Variants in LTBP1 observed in about 807,000 individuals in gnomAD.
LTBP1 encodes latent transforming growth factor beta binding protein 1.
Under a neutral mutation model 207.6 loss-of-function variants are expected in LTBP1, and 129 were observed. The ratio of observed to expected loss-of-function variants is 0.62; its 90% CI spans 0.54 to 0.72. LTBP1 has a LOEUF of 0.72. LTBP1 is among the 30% of genes least tolerant of loss of function. The pLI, the probability that LTBP1 is intolerant of heterozygous loss-of-function variation, is 0.00. For synonymous variants in LTBP1, 963 were observed against 833.7 expected (o/e 1.16, Z -2.67); for missense variants, 2,281 against 2,217.2 (o/e 1.03, Z -0.58).
At chr2:33,014,644 A>G (rs1484088000) in intron 2 of LTBP1, among the ~76,000 whole-genome samples, 13 of 152,170 alleles carry the variant, frequency 8.5e-5, no homozygotes, top group African/African-American at 1.2e-4. Flanking sequence ...AAATATAACT[A>G]AGGGTTACTT....
At chr2:32,950,501 G>A (rs1676933397) in intron 2 of LTBP1, among the ~76,000 whole-genome samples, 2 of 150,070 alleles carry the variant, frequency 1.3e-5, no homozygotes, top group African/African-American at 4.9e-5. Context: ...GAAGGTTGCA[G>A]TGAGCCGAGA....
chr2:33,112,411 T>A (rs184793308), intron 4 of LTBP1, among the ~76,000 whole-genome samples: 128 of 152,336 alleles, frequency 8.4e-4, no homozygotes, highest in African/African-American at 2.8e-3. Flanking sequence ...TCTGTCCATA[T>A]CTTTCCCGCT....
chr2:32,987,111 A>G (rs918658533), intron 2 of LTBP1, among the ~76,000 whole-genome samples: 1 of 152,202 alleles, frequency 6.6e-6, no homozygotes, highest in African/African-American at 2.4e-5. Context: ...AGAAAGTTAG[A>G]TCAGCATCAG....
At position 33,021,049 on chromosome 2, in the gene LTBP1, C is replaced by G. The variant is rs1311722876; in HGVS notation, c.706C>G (p.Pro236Ala). The change falls in exon 3 of 34, where the codon CCT becomes GCT. Residue 236 changes from proline to alanine, a missense_variant. Physicochemically the swap from Pro to Ala is conservative, Grantham distance 27 (BLOSUM62 -1). Transcript: ENST00000404816. ...GTCACCAGTCTTTGGAGGGCAGAGT[C>G]CTGGGGCTGCTTCCTCGTGGGGCCC... is the stretch of plus-strand genomic sequence containing the variant. ...TSSPVFGGQSPGAASSWGPPE... is the reference protein window; with the variant it reads ...TSSPVFGGQSAGAASSWGPPE... The G allele has an allele frequency of 8.1e-6, 13 of 1,613,990 alleles. No individual in the cohort carries two copies. The highest frequency in any genetic ancestry group is 1.0e-5 in the Non-Finnish European group (12 of 1,180,026).
chr2:33,045,947 T>G (rs925543143), intron 3 of LTBP1, among the ~76,000 whole-genome samples: 1 of 152,228 alleles, frequency 6.6e-6, no homozygotes, highest in Admixed American at 6.5e-5. Context: ...ATGCTTGTGA[T>G]TTTTGCACAT....
Position 33,228,697 on chromosome 2 carries a change from C to CTTTT in LTBP1, c.1876+6564_1876+6567dup, listed in dbSNP as rs1244221993. Among the ~76,000 whole-genome samples the CTTTT allele has an allele frequency of 2.4e-3, 233 of 99,006 alleles. 42 individuals are homozygous for CTTTT. The highest frequency in any genetic ancestry group is 3.1e-3 in the Non-Finnish European group (161 of 51,670). 65.0% of individuals were successfully genotyped at this position (99,006 alleles called of 152,430 possible). ...TAATAAGCCCAACCAGGGTTATACC[C>CTTTT]TTTTTTTTTTTTTTTTTTTTTGAGA... On this transcript the variant is annotated intron_variant, in intron 9 of 33. Coordinates refer to ENST00000404816, the MANE Select transcript of LTBP1 (RefSeq NM_206943.4).
intron 2 of LTBP1, among the ~76,000 whole-genome samples, chr2:32,994,004 G>A (rs1314728406): frequency 1.3e-5 from 2 of 149,880 alleles, no homozygotes; most frequent in African/African-American, 4.9e-5. Context: ...GTGTGTGTGT[G>A]TGTGTTGGGG....
intron 22 of LTBP1, among the ~76,000 whole-genome samples, chr2:33,307,227 T>C (rs1193738372): frequency 6.6e-6 from 1 of 152,206 alleles, no homozygotes. Context: ...CAGATAACAG[T>C]TTTTCAAAAC....
chr2:33,368,185 C>T (rs535883472), intron 31 of LTBP1, among the ~76,000 whole-genome samples: 139 of 151,352 alleles, frequency 9.2e-4, no homozygotes, highest in African/African-American at 3.3e-3. Context: ...CCAGCCTGGG[C>T]GACAGAGCGA....
intron 3 of LTBP1, among the ~76,000 whole-genome samples, chr2:33,027,298 T>A (rs1019545561): frequency 2.0e-5 from 3 of 152,232 alleles, no homozygotes; most frequent in Admixed American, 6.5e-5. Flanking sequence ...GTAAAACGAT[T>A]ACCACAATCA....
chr2:33,389,156 G>T (rs568927124), intron 31 of LTBP1, 28 bp from the exon 32 acceptor site: 1 of 1,613,650 alleles, frequency 6.2e-7, no homozygotes, highest in African/African-American at 1.3e-5. Flanking sequence ...ACAGTGGTGG[G>T]GCCTCATGCT....
At chr2:33,086,701 T>TTAATACAATTGTTATCTC (rs1402748635) in intron 3 of LTBP1, among the ~76,000 whole-genome samples, 2 of 152,202 alleles carry the variant, frequency 1.3e-5, no homozygotes, top group Non-Finnish European at 2.9e-5. Flanking sequence ...ATTTTTATCT[T>TTAATACAATTGTTATCTC]TAATACAATT....
At chr2:33,265,577 C>G (rs1213977275) in intron 15 of LTBP1, among the ~76,000 whole-genome samples, 1 of 151,676 alleles carries the variant, frequency 6.6e-6, no homozygotes, top group East Asian at 1.9e-4. Flanking sequence ...TACAATATTG[C>G]TAAATTTAAG....
intron 7 of LTBP1, among the ~76,000 whole-genome samples, chr2:33,216,910 C>A (rs988039165): frequency 2.6e-5 from 4 of 152,238 alleles, no homozygotes; most frequent in African/African-American, 9.6e-5. Flanking sequence ...CTAAGTCCTA[C>A]TCTTCTGCCT....
intron 3 of LTBP1, 43 bp from the exon 4 acceptor site, chr2:33,110,539 A>T: frequency 6.4e-7 from 1 of 1,557,986 alleles, no homozygotes; most frequent in South Asian, 1.2e-5. Flanking sequence ...GACTTTTAAA[A>T]GCCCATTATT....
chr2:33,308,042 C>G (rs1174170318), intron 22 of LTBP1, among the ~76,000 whole-genome samples: 1 of 152,318 alleles, frequency 6.6e-6, no homozygotes, highest in East Asian at 1.9e-4. Context: ...GCAGCAATTA[C>G]AATTATTTGC....
intron 24 of LTBP1, among the ~76,000 whole-genome samples, chr2:33,315,881 G>T (rs977129036): frequency 2.6e-5 from 4 of 152,166 alleles, no homozygotes; most frequent in Non-Finnish European, 5.9e-5. Context: ...AGGCTGCCGT[G>T]AGCCGAGATG....
At chr2:33,246,892 T>C (rs2092532052) in intron 10 of LTBP1, among the ~76,000 whole-genome samples, 1 of 152,170 alleles carries the variant, frequency 6.6e-6, no homozygotes, top group African/African-American at 2.4e-5. Context: ...CTTAGGATGG[T>C]GTAGGAGCAT....
At position 33,135,232 on chromosome 2, in the gene LTBP1, G is replaced by C. The variant is rs528949361; in HGVS notation, c.1201+272G>C. Among the ~76,000 whole-genome samples the C allele has an allele frequency of 1.2e-3, 176 of 152,330 alleles. 1 individual carries two copies. The highest frequency in any genetic ancestry group is 4.1e-3 in the African/African-American group (169 of 41,578). On this transcript the variant is annotated intron_variant, in intron 5 of 33. Transcript: ENST00000404816. ...GGTAATGGGAATATATATAGTAGAA[G>C]AGAAGAGAGTAGGTTTTAGATTTAG...
Sources: allele counts gnomAD v4.1 joint callset (sites outside exome capture counted in the v4.1 genomes callset), GRCh38; gene constraint gnomAD v4.1.1; transcripts MANE v1.5; gene names NCBI Gene and HGNC (gene_info 2026-07-23, HGNC 2026-07-21).